The following GRIN2A variants were observed in gnomAD, a reference collection of about 807,000 sequenced individuals.
GRIN2A encodes the protein glutamate receptor ionotropic, NMDA 2A.
GRIN2A carries 22 observed loss-of-function variants against 113.4 expected under a neutral mutation model. The observed-to-expected ratio is 0.19, with a 90% CI of 0.14 to 0.28. The LOEUF (loss-of-function observed/expected upper bound fraction) is 0.28, where lower values mean the gene tolerates loss of function less well. Ranked by LOEUF, GRIN2A falls within the 10% of genes least tolerant of loss-of-function variation. The probability of loss-of-function intolerance (pLI) is 1.00; values close to 1 mark genes in which losing one functional copy is unlikely to be tolerated. For synonymous variants in GRIN2A, 827 were observed against 738.4 expected (o/e 1.12, Z -1.94); for missense variants, 1,502 against 1,887.0 (o/e 0.80, Z 3.78).
At chr16:9,802,368 C>A (rs1006227004) in intron 10 of GRIN2A, among the ~76,000 whole-genome samples, 37 of 152,150 alleles carry the variant, frequency 2.4e-4, no homozygotes, top group African/African-American at 7.7e-4. Context: ...TGACAAAGAA[C>A]AACATCATGT....
chr16:9,769,108 T>C lies in GRIN2A; in HGVS notation c.2357-19A>G. ...ATCTCACCTGGACAGATCACAACAT[T>C]CACAGGCAGTGAGGACCAGAACATG... On this transcript the variant is annotated intron_variant, in intron 11 of 12. Coordinates refer to ENST00000330684, the MANE Select transcript of GRIN2A (RefSeq NM_001134407.3). 2 of 1,584,080 alleles carry C rather than the reference T, an allele frequency of 1.3e-6. No individual in the cohort carries two copies. The highest frequency in any genetic ancestry group is 1.7e-6 in the Non-Finnish European group (2 of 1,152,624).
chr16:9,846,863 C>T (rs1185111335), intron 5 of GRIN2A, among the ~76,000 whole-genome samples: 2 of 152,146 alleles, frequency 1.3e-5, no homozygotes, highest in African/African-American at 2.4e-5. Flanking sequence ...TGTGAGTCTC[C>T]TGTGAGGTGG....
chr16:10,141,023 A>G (rs1163357276), intron 2 of GRIN2A, among the ~76,000 whole-genome samples: 1 of 152,018 alleles, frequency 6.6e-6, no homozygotes, highest in African/African-American at 2.4e-5. Context: ...GTGAGACCCC[A>G]TCTCTTCAAA....
At chr16:9,826,471 TG>T (rs1235242167) in intron 9 of GRIN2A, among the ~76,000 whole-genome samples, 1 of 152,198 alleles carries the variant, frequency 6.6e-6, no homozygotes, top group Non-Finnish European at 1.5e-5. Context: ...CAAGCACTAA[TG>T]GCTTAAAAGC....
chr16:10,078,730 G>GC (rs1315136914), intron 2 of GRIN2A, among the ~76,000 whole-genome samples: 1 of 152,164 alleles, frequency 6.6e-6, no homozygotes, highest in African/African-American at 2.4e-5. Flanking sequence ...AAAGGGCACA[G>GC]CCCCCTTCAG....
intron 2 of GRIN2A, chr16:10,111,401 G>C (rs2048611101): frequency 2.0e-6 from 1 of 506,178 alleles, no homozygotes. Context: ...CATCTGATCA[G>C]TGGCGGCACC....
In GRIN2A at chr16:9,874,693, AC is replaced by A. The variant is rs577690319; in HGVS notation, c.1122+16292del. Among the ~76,000 whole-genome samples, 45 of 152,218 alleles carry A rather than the reference AC, an allele frequency of 3.0e-4. 1 individual carries two copies. In the South Asian group the frequency reaches 9.4e-3, roughly 32 times the overall value. On this transcript the variant is annotated intron_variant, in intron 4 of 12. Coordinates refer to ENST00000330684, the MANE Select transcript of GRIN2A (RefSeq NM_001134407.3). The stretch of plus-strand genomic sequence containing the variant: ...GACTTTGCCATATACTTGCTTTGTA[AC>A]CTTAGGCAAATCAGCAATCATCTTA...
intron 2 of GRIN2A, among the ~76,000 whole-genome samples, chr16:10,019,433 G>C (rs1297211902): frequency 6.6e-6 from 1 of 152,202 alleles, no homozygotes; most frequent in Non-Finnish European, 1.5e-5. Context: ...AGGATAGCAA[G>C]GAGGAAATGT....
At chr16:10,095,397 C>T (rs565281167) in intron 2 of GRIN2A, among the ~76,000 whole-genome samples, 13 of 152,040 alleles carry the variant, frequency 8.6e-5, no homozygotes, top group East Asian at 1.9e-4. Context: ...ATATAAATAA[C>T]GACAGTAATG....
chr16:10,082,545 A>T (rs1282423684), intron 2 of GRIN2A, among the ~76,000 whole-genome samples: 1 of 152,196 alleles, frequency 6.6e-6, no homozygotes, highest in African/African-American at 2.4e-5. Context: ...CTTTGAGTTA[A>T]TCAAAAGGGA....
chr16:10,071,627 A>T (rs547989244), intron 2 of GRIN2A, among the ~76,000 whole-genome samples: 1 of 152,306 alleles, frequency 6.6e-6, no homozygotes, highest in Admixed American at 6.5e-5. Context: ...TAGAGGACAA[A>T]TGATGAGTCT....
chr16:9,860,971 TA>T (rs1365033732), intron 4 of GRIN2A, among the ~76,000 whole-genome samples: 4 of 152,186 alleles, frequency 2.6e-5, no homozygotes, highest in African/African-American at 9.7e-5. Context: ...ATTCAGAGTT[TA>T]AAAAGGGAAG....
intron 2 of GRIN2A, among the ~76,000 whole-genome samples, chr16:9,973,998 G>C (rs1331883375): frequency 1.3e-5 from 2 of 152,076 alleles, no homozygotes; most frequent in East Asian, 3.9e-4. Context: ...AGCATTAGAA[G>C]CATAAATATC....
chr16:9,831,586 G>A (rs988445304), intron 8 of GRIN2A, among the ~76,000 whole-genome samples: 2 of 150,428 alleles, frequency 1.3e-5, no homozygotes, highest in Non-Finnish European at 3.0e-5. Flanking sequence ...CACAATCTCG[G>A]CTCACTGCAG....
At chr16:10,124,459 C>G (rs1022493721) in intron 2 of GRIN2A, among the ~76,000 whole-genome samples, 1 of 148,338 alleles carries the variant, frequency 6.7e-6, no homozygotes, top group Admixed American at 6.7e-5. Flanking sequence ...ACATAACTGG[C>G]AACTTAGCCT....
chr16:10,146,306 C>A (rs1433949431), intron 2 of GRIN2A, among the ~76,000 whole-genome samples: 4 of 152,224 alleles, frequency 2.6e-5, no homozygotes, highest in East Asian at 3.9e-4. Flanking sequence ...TTAGCAGACA[C>A]AGGGTTTTAC....
At chr16:9,902,206 C>A (rs1567165782) in intron 3 of GRIN2A, among the ~76,000 whole-genome samples, 1 of 152,318 alleles carries the variant, frequency 6.6e-6, no homozygotes, top group African/African-American at 2.4e-5. Flanking sequence ...TCCCTAGTAG[C>A]TAGGCATGAC....
At chr16:9,975,583 G>C (rs2045759547) in intron 2 of GRIN2A, among the ~76,000 whole-genome samples, 1 of 152,164 alleles carries the variant, frequency 6.6e-6, no homozygotes, top group Non-Finnish European at 1.5e-5. Context: ...CGTCACAGCA[G>C]CAACAGAAAA....
chr16:9,939,655 G>A (rs551285063), intron 2 of GRIN2A, among the ~76,000 whole-genome samples: 30 of 152,234 alleles, frequency 2.0e-4, no homozygotes, highest in South Asian at 6.2e-4. Flanking sequence ...CAGGGAAAAC[G>A]AGGCTCAAAA....
Sources: allele counts gnomAD v4.1 joint callset (sites outside exome capture counted in the v4.1 genomes callset), GRCh38; gene constraint gnomAD v4.1.1; transcripts MANE v1.5; gene names NCBI Gene and HGNC (gene_info 2026-07-23, HGNC 2026-07-21).